Variants in LRRC4C observed in about 807,000 individuals in gnomAD.
The protein encoded by LRRC4C is leucine rich repeat containing 4C, also known as leucine-rich repeat-containing protein 4C.
Under a neutral mutation model 33.6 loss-of-function variants are expected in LRRC4C, and 5 were observed. The observed-to-expected ratio is 0.15, with a 90% confidence interval of 0.08 to 0.31. LRRC4C has a LOEUF of 0.31. Among genes scored for constraint, LRRC4C ranks in the 10% least tolerant of loss-of-function variants. The pLI, the probability that LRRC4C is intolerant of heterozygous loss-of-function variation, is 1.00. For synonymous variants in LRRC4C, 329 were observed against 302.0 expected (o/e 1.09, Z -0.93); for missense variants, 560 against 796.7 (o/e 0.70, Z 3.58).
intron 5 of LRRC4C, among the ~76,000 whole-genome samples, chr11:40,215,881 CA>C (rs1863938448): frequency 6.6e-6 from 1 of 152,122 alleles, no homozygotes; most frequent in Admixed American, 6.6e-5. Context: ...AAAGAATGGA[CA>C]CTCTTTGGCA....
intron 3 of LRRC4C, among the ~76,000 whole-genome samples, chr11:40,631,497 C>CA (rs1963474668): frequency 6.6e-6 from 1 of 152,056 alleles, no homozygotes. Context: ...ATAGGAAAGG[C>CA]AATTGCTTTA....
At chr11:40,145,482 T>A (rs148206525) in intron 5 of LRRC4C, among the ~76,000 whole-genome samples, 9 of 152,296 alleles carry the variant, frequency 5.9e-5, no homozygotes, top group African/African-American at 2.2e-4. Context: ...TAACCTCAAA[T>A]ATTCAATTTG....
rs796388180 is a variant in LRRC4C, at chr11:40,690,545, G to C, written c.-406-42267C>G. ...CAGGCTCTGATTGGAAGATGTTGACGTGGCCATTTTACATTGGCATATTCA... is the reference window on the plus strand; with the variant it reads ...CAGGCTCTGATTGGAAGATGTTGACCTGGCCATTTTACATTGGCATATTCA... On this transcript the variant is annotated intron_variant, in intron 2 of 6. Transcript: ENST00000528697. Among the ~76,000 whole-genome samples, 23 of 152,112 alleles carry C rather than the reference G, an allele frequency of 1.5e-4. 1 individual carries two copies. Among genetic ancestry groups the C allele is most frequent in the African/African-American group, 5.1e-4 (21 of 41,524 alleles).
At chr11:40,931,634 A>C (rs770746226) in intron 2 of LRRC4C, among the ~76,000 whole-genome samples, 103 of 151,940 alleles carry the variant, frequency 6.8e-4, no homozygotes, top group Non-Finnish European at 1.1e-3. Context: ...ATAATGCACT[A>C]AAGTAGCCAA....
chr11:40,335,484 T>C (rs1946556063), intron 3 of LRRC4C, among the ~76,000 whole-genome samples: 1 of 152,174 alleles, frequency 6.6e-6, no homozygotes, highest in Admixed American at 6.5e-5. Context: ...AGACATTTAA[T>C]AAAACTGGAA....
At chr11:40,487,464 T>C (rs1271713722) in intron 3 of LRRC4C, among the ~76,000 whole-genome samples, 4 of 152,068 alleles carry the variant, frequency 2.6e-5, no homozygotes, top group Admixed American at 6.6e-5. Context: ...GCAAATGTGA[T>C]TGAATCAATA....
intron 1 of LRRC4C, among the ~76,000 whole-genome samples, chr11:41,181,848 T>C (rs1297155158): frequency 6.6e-6 from 1 of 152,232 alleles, no homozygotes; most frequent in East Asian, 1.9e-4. Context: ...GATTTTTATC[T>C]AGTTCATAGA....
chr11:40,691,858 G>A (rs1359131576), intron 2 of LRRC4C, among the ~76,000 whole-genome samples: 1 of 152,082 alleles, frequency 6.6e-6, no homozygotes, highest in Non-Finnish European at 1.5e-5. Context: ...TCATTTTAGA[G>A]AACTGTGCAC....
In LRRC4C at chr11:40,456,078, G is replaced by T. The variant is rs182901996; in HGVS notation, c.-269-136357C>A. Among the ~76,000 whole-genome samples the T allele has an allele frequency of 3.7e-4, 56 of 152,126 alleles. 2 individuals carry two copies. The highest frequency in any genetic ancestry group is 1.2e-3 in the African/African-American group (50 of 41,502). On this transcript the variant is annotated intron_variant, in intron 3 of 6. Transcript: ENST00000528697. ...GCATATGACTTCCTCTCATTGAGAG[G>T]CTACTTGGGAGAAAAATGCCTACAA...
At chr11:41,392,711 A>G (rs775193771) in intron 1 of LRRC4C, among the ~76,000 whole-genome samples, 7 of 147,618 alleles carry the variant, frequency 4.7e-5, no homozygotes, top group Non-Finnish European at 7.6e-5. Context: ...AAGGTCATTT[A>G]AAGACACACA....
In LRRC4C at chr11:40,522,766, A is replaced by G. The variant is rs973617042; in HGVS notation, c.-270+125376T>C. 2.6e-5 allele frequency among the ~76,000 whole-genome samples: 4 copies of G among 152,008 alleles called. No homozygotes were observed. The East Asian group carries it at 7.8e-4, about 29-fold the overall frequency. ...GTTTTCTGTCTTCACATATTTGACT[A>G]CTCTAGGTACTTCCAATAAAAGGAA... is the stretch of plus-strand genomic sequence containing the variant. On this transcript the variant is annotated intron_variant, in intron 3 of 6. Coordinates refer to ENST00000528697, the MANE Select transcript of LRRC4C (RefSeq NM_001258419.2).
chr11:40,257,797 TGAGAAC>T (rs1474021883), intron 4 of LRRC4C, among the ~76,000 whole-genome samples: 1 of 152,176 alleles, frequency 6.6e-6, no homozygotes, highest in Non-Finnish European at 1.5e-5. Flanking sequence ...ACATACAAGC[TGAGAAC>T]AGAGCAAAAT....
chr11:40,805,467 T>C (rs1217809285), intron 2 of LRRC4C, among the ~76,000 whole-genome samples: 1 of 152,220 alleles, frequency 6.6e-6, no homozygotes, highest in African/African-American at 2.4e-5. Flanking sequence ...TTTCTTTTTT[T>C]TGTAAATAAA....
At chr11:41,131,918 A>G (rs1215449512) in intron 1 of LRRC4C, among the ~76,000 whole-genome samples, 1 of 152,178 alleles carries the variant, frequency 6.6e-6, no homozygotes, top group Non-Finnish European at 1.5e-5. Flanking sequence ...AAAAAGGGGA[A>G]GAACTCTCAG....
chr11:40,717,447 T>A (rs1946786525), intron 2 of LRRC4C, among the ~76,000 whole-genome samples: 1 of 152,150 alleles, frequency 6.6e-6, no homozygotes, highest in South Asian at 2.1e-4. Context: ...AATATAAGCT[T>A]GATGAAGAGG....
intron 2 of LRRC4C, among the ~76,000 whole-genome samples, chr11:40,887,612 C>T (rs545548778): frequency 1.3e-5 from 2 of 152,086 alleles, no homozygotes; most frequent in South Asian, 4.1e-4. Context: ...GCATAGCCAG[C>T]TTAGATTGAC....
In LRRC4C at chr11:40,856,514, C is replaced by T. The variant is rs569732833; in HGVS notation, c.-407+77121G>A. On this transcript the variant is annotated intron_variant, in intron 2 of 6. Coordinates refer to ENST00000528697, the MANE Select transcript of LRRC4C (RefSeq NM_001258419.2). ...TGGAATTCGCATAGATTCCTTAATGCATTTATATATTTAAATATTCAATTT... is the reference window on the plus strand; with the variant it reads ...TGGAATTCGCATAGATTCCTTAATGTATTTATATATTTAAATATTCAATTT... Among the ~76,000 whole-genome samples, 17 of 152,270 alleles carry T rather than the reference C, an allele frequency of 1.1e-4. No homozygotes were observed. The South Asian group carries it at 3.5e-3, about 32-fold the overall frequency.
chr11:41,218,373 C>T (rs970939211), intron 1 of LRRC4C, among the ~76,000 whole-genome samples: 1 of 152,188 alleles, frequency 6.6e-6, no homozygotes, highest in Non-Finnish European at 1.5e-5. Flanking sequence ...ACAAACCCCT[C>T]CATTCTAGTT....
chr11:40,979,265 T>C (rs1852325960), intron 1 of LRRC4C, among the ~76,000 whole-genome samples: 1 of 152,220 alleles, frequency 6.6e-6, no homozygotes, highest in Admixed American at 6.5e-5. Context: ...CTTGGATGTA[T>C]GTCATATCTG....
Sources: gnomAD v4.1 joint callset for allele counts (sites outside exome capture counted in the v4.1 genomes callset) on GRCh38, gnomAD v4.1.1 for gene constraint, MANE v1.5 for transcripts, NCBI Gene and HGNC (gene_info 2026-07-23, HGNC 2026-07-21) for gene names.